OTUD7B: variants seen among roughly 807,000 people sequenced by gnomAD.
The protein encoded by OTUD7B is OTU domain-containing protein 7B.
A neutral mutation model predicts 82.2 loss-of-function variants in OTUD7B; 34 were observed. The observed-to-expected ratio is 0.41, with a 90% confidence interval of 0.31 to 0.55. The LOEUF (loss-of-function observed/expected upper bound fraction) is 0.55, where lower values mean the gene tolerates loss of function less well. Among genes scored for constraint, OTUD7B ranks in the 20% least tolerant of loss-of-function variants. OTUD7B has a pLI of 0.20. For synonymous variants in OTUD7B, 398 were observed against 402.7 expected (o/e 0.99, Z 0.14); for missense variants, 944 against 1,062.1 (o/e 0.89, Z 1.55).
the OTUD7B span, among the ~76,000 whole-genome samples, chr1:150,043,617 T>C: frequency 6.6e-6 from 1 of 152,148 alleles, no homozygotes; most frequent in Non-Finnish European, 1.5e-5. Flanking sequence ...ATGCCAGAGA[T>C]GTTGAAGAGG....
the OTUD7B span, among the ~76,000 whole-genome samples, chr1:150,031,912 TAA>T: frequency 6.6e-6 from 1 of 152,218 alleles, no homozygotes; most frequent in Non-Finnish European, 1.5e-5. Context: ...TCCAGATAGA[TAA>T]GACAGACCAA....
chr1:150,052,404 A>G, the OTUD7B span, among the ~76,000 whole-genome samples: 1 of 152,102 alleles, frequency 6.6e-6, no homozygotes, highest in Non-Finnish European at 1.5e-5. Context: ...TCAGAAAGGC[A>G]CTCTCATTCA....
chr1:149,985,709 CT>C (rs1350069834), intron 1 of OTUD7B, among the ~76,000 whole-genome samples: 2 of 151,052 alleles, frequency 1.3e-5, no homozygotes, highest in African/African-American at 4.9e-5. Flanking sequence ...GATGGCACCA[CT>C]GCACTCAGCC....
At chr1:150,019,753 C>T in the OTUD7B span, among the ~76,000 whole-genome samples, 12 of 152,136 alleles carry the variant, frequency 7.9e-5, no homozygotes, top group African/African-American at 2.9e-4. Context: ...GTGGTTGGCA[C>T]GATCCATCCC....
chr1:149,974,363 T>C (rs957321318), intron 2 of OTUD7B, among the ~76,000 whole-genome samples: 1 of 152,144 alleles, frequency 6.6e-6, no homozygotes, highest in Non-Finnish European at 1.5e-5. Flanking sequence ...AATCATTTCT[T>C]CTCTGGCCAG....
chr1:149,990,744 C>T (rs1279949194), intron 1 of OTUD7B, among the ~76,000 whole-genome samples: 4 of 152,068 alleles, frequency 2.6e-5, no homozygotes, highest in Non-Finnish European at 4.4e-5. Context: ...GCCTGTAATT[C>T]CAGCACTTTG....
At position 149,941,181 on chromosome 1, in the gene OTUD7B, T is replaced by C. The variant is rs1056899465; in HGVS notation, c.*2676A>G. ...AAATAAAAACAAACATGATACAAGGTTTTTTGTTCATTTGTCCTTAGTTTT... is the reference window on the plus strand; with the variant it reads ...AAATAAAAACAAACATGATACAAGGCTTTTTGTTCATTTGTCCTTAGTTTT... On this transcript the variant is annotated 3_prime_UTR_variant, in exon 12 of 12. Coordinates refer to ENST00000581312, the MANE Select transcript of OTUD7B (RefSeq NM_020205.4). 1.1e-4 allele frequency: 17 copies of C among 152,086 alleles called. No individual in the cohort carries two copies. The highest frequency in any genetic ancestry group is 4.1e-4 in the African/African-American group (17 of 41,394). 9.4% of individuals were successfully genotyped at this position (152,086 alleles called of 1,614,324 possible).
the OTUD7B span, among the ~76,000 whole-genome samples, chr1:150,043,365 T>C: frequency 6.6e-6 from 1 of 151,990 alleles, no homozygotes; most frequent in Non-Finnish European, 1.5e-5. Flanking sequence ...AAAACAAACA[T>C]AAAAAAGAAT....
chr1:149,966,966 T>C (rs1290121961), intron 4 of OTUD7B, among the ~76,000 whole-genome samples: 4 of 152,234 alleles, frequency 2.6e-5, no homozygotes, highest in Non-Finnish European at 5.9e-5. Context: ...GTGCATCATC[T>C]ACAGCATTGG....
chr1:150,054,295 T>C, the OTUD7B span: 1 of 488,064 alleles, frequency 2.0e-6, no homozygotes, highest in Admixed American at 2.3e-5. Context: ...CCAGGATCAC[T>C]CCCAAGACCA....
intron 1 of OTUD7B, among the ~76,000 whole-genome samples, chr1:149,990,396 G>T (rs1376637874): frequency 6.6e-6 from 1 of 152,150 alleles, no homozygotes; most frequent in East Asian, 1.9e-4. Context: ...GCAAATATTT[G>T]TGGTTCTAAA....
At chr1:150,020,109 C>G in the OTUD7B span, among the ~76,000 whole-genome samples, 4 of 152,322 alleles carry the variant, frequency 2.6e-5, no homozygotes, top group African/African-American at 9.6e-5. Context: ...ACCTGGGTGA[C>G]GGAGTGAAAC....
chr1:149,956,958 GCTT>G (rs1648730399), intron 7 of OTUD7B, among the ~76,000 whole-genome samples: 1 of 151,726 alleles, frequency 6.6e-6, no homozygotes. Flanking sequence ...AAGGTTTTTA[GCTT>G]CTTTGCGATG....
chr1:149,992,347 G>A (rs1348876911), intron 1 of OTUD7B, among the ~76,000 whole-genome samples: 3 of 152,050 alleles, frequency 2.0e-5, no homozygotes, highest in Non-Finnish European at 4.4e-5. Flanking sequence ...TGTAGCAAGA[G>A]GGTAGGACAA....
In OTUD7B at chr1:149,943,813, G is replaced by A. The variant is rs373566777; in HGVS notation, c.*44C>T. 1 of 1,580,316 alleles carries A rather than the reference G, an allele frequency of 6.3e-7. No individual in the cohort carries two copies. Among genetic ancestry groups the A allele is most frequent in the Admixed American group, 1.7e-5 (1 of 59,048 alleles). ...TGTTCTTGATGAGCCAATTAGTTGAGCTTAACTTTGTTTAGCCTCCTTGCC... is the reference window on the plus strand; with the variant it reads ...TGTTCTTGATGAGCCAATTAGTTGAACTTAACTTTGTTTAGCCTCCTTGCC... On this transcript the variant is annotated 3_prime_UTR_variant, in exon 12 of 12. Coordinates refer to ENST00000581312, the MANE Select transcript of OTUD7B (RefSeq NM_020205.4).
At chr1:149,970,983 A>C in intron 3 of OTUD7B, 80 bp downstream of exon 3, 2 of 1,277,554 alleles carry the variant, frequency 1.6e-6, no homozygotes, top group Non-Finnish European at 2.1e-6. Context: ...CCTCCAATGG[A>C]TCACTAGACT....
the OTUD7B span, among the ~76,000 whole-genome samples, chr1:150,039,508 C>A: frequency 2.0e-5 from 3 of 151,962 alleles, no homozygotes; most frequent in Non-Finnish European, 4.4e-5. Context: ...CTCCCAGTAG[C>A]TGGGACTACA....
At position 149,968,072 on chromosome 1, in the gene OTUD7B, T is replaced by G. The variant is rs186627861; in HGVS notation, c.275-551A>C. 5.9e-4 allele frequency among the ~76,000 whole-genome samples: 90 copies of G among 152,210 alleles called. 1 individual carries two copies. Among genetic ancestry groups the G allele is most frequent in the Non-Finnish European group, 1.1e-3 (73 of 68,014 alleles). ...TGAGGTCAGGTGTTCAAGAGCAGCCTGACCAACGTGGTGAAACACTGTCTC... is the reference window on the plus strand; with the variant it reads ...TGAGGTCAGGTGTTCAAGAGCAGCCGGACCAACGTGGTGAAACACTGTCTC... On this transcript the variant is annotated intron_variant, in intron 3 of 11. Transcript: ENST00000581312.
intron 1 of OTUD7B, among the ~76,000 whole-genome samples, chr1:149,990,164 T>C (rs1299174569): frequency 2.6e-5 from 4 of 152,214 alleles, no homozygotes; most frequent in Admixed American, 6.5e-5. Flanking sequence ...TTAGTGCCCA[T>C]TGGGATAGGA....
Sources: allele counts gnomAD v4.1 joint callset (sites outside exome capture counted in the v4.1 genomes callset), GRCh38; gene constraint gnomAD v4.1.1; transcripts MANE v1.5; gene names NCBI Gene and HGNC (gene_info 2026-07-23, HGNC 2026-07-21).